Variants in CHD1L observed in about 807,000 individuals in gnomAD.
CHD1L encodes ATP-dependent chromatin remodeler CHD1L.
Under a neutral mutation model 115.9 loss-of-function variants are expected in CHD1L, and 118 were observed. The ratio of observed to expected loss-of-function variants is 1.02; its 90% confidence interval spans 0.88 to 1.19. CHD1L has a LOEUF of 1.19. Among genes scored for constraint, CHD1L ranks in the 50% most tolerant of loss-of-function variants. CHD1L has a pLI of 0.00. For missense variants in CHD1L, 1,179 were observed against 1,065.3 expected (o/e 1.11, Z -1.49); for synonymous variants, 411 against 387.1 (o/e 1.06, Z -0.72).
the CHD1L span, chr1:147,179,346 C>T: frequency 5.0e-6 from 8 of 1,602,312 alleles, no homozygotes; most frequent in Admixed American, 3.3e-5. Flanking sequence ...ACTGTAAGAA[C>T]CTGGAGCCCA....
chr1:147,206,990 G>GT, the CHD1L span, among the ~76,000 whole-genome samples: 1 of 151,600 alleles, frequency 6.6e-6, no homozygotes. Flanking sequence ...AAATGTAATG[G>GT]TGTGATTGAT....
At chr1:147,190,814 G>C in the CHD1L span, among the ~76,000 whole-genome samples, 5,601 of 151,852 alleles carry the variant, frequency 0.037, 154 homozygotes, top group South Asian at 0.095. Flanking sequence ...GGTATATCTC[G>C]TAATGCTATC....
chr1:147,251,752 A>G (rs587729064), intron 1 of CHD1L, among the ~76,000 whole-genome samples: 2 of 152,054 alleles, frequency 1.3e-5, no homozygotes, highest in South Asian at 4.2e-4. Flanking sequence ...GCTGGTCTTG[A>G]TCTTCTGACC....
intron 6 of CHD1L, among the ~76,000 whole-genome samples, chr1:147,263,712 C>G (rs1553945838): frequency 1.3e-5 from 2 of 151,894 alleles, no homozygotes; most frequent in African/African-American, 2.4e-5. Flanking sequence ...CTTCATGTCT[C>G]TCTTACTCTT....
chr1:147,287,832 T>C (rs1052935104), intron 19 of CHD1L, 99 bp downstream of exon 19: 35 of 959,628 alleles, frequency 3.6e-5, no homozygotes, highest in Non-Finnish European at 5.3e-5. Flanking sequence ...GATAAGGAAT[T>C]AGAATAACCA....
Position 147,255,794 on chromosome 1 carries a change from CTTCTT to C in CHD1L, c.348-13_348-9del. 6.4e-7 allele frequency: 1 copy of C among 1,558,710 alleles called. No individual in the cohort carries two copies. Among genetic ancestry groups the C allele is most frequent in the East Asian group, 2.3e-5 (1 of 44,352 alleles). ...TGGATCTAGTATTTATGTTTATCTA[CTTCTT>C]TTCTTGGATTCAGATTTGCTCCAGG... On this transcript the variant is annotated splice_polypyrimidine_tract_variant and intron_variant, in intron 3 of 22. Coordinates refer to ENST00000369258, the MANE Select transcript of CHD1L (RefSeq NM_004284.6).
the CHD1L span, among the ~76,000 whole-genome samples, chr1:147,220,984 G>C: frequency 6.8e-6 from 1 of 147,366 alleles, no homozygotes; most frequent in African/African-American, 2.5e-5. Flanking sequence ...TGGATAGTAT[G>C]TACCCTTGAT....
In CHD1L at chr1:147,256,536, C is replaced by G. The variant is rs1670214624; in HGVS notation, c.468C>G (p.Cys156Trp). The change falls in exon 5 of 23, where the codon TGC becomes TGG. Residue 156 changes from cysteine to tryptophan, a missense_variant. Coordinates refer to ENST00000369258, the MANE Select transcript of CHD1L (RefSeq NM_004284.6). ...FHVLLTTYEICLKDASFLKSF... is the reference protein window; with the variant it reads ...FHVLLTTYEIWLKDASFLKSF... ...GTGTCTTCCTAATTTTTCAGATTTG[C>G]TTGAAAGATGCATCATTTCTAAAAT... The G allele has an allele frequency of 6.2e-7, 1 of 1,613,406 alleles. No individual in the cohort carries two copies. The highest frequency in any genetic ancestry group is 8.5e-7 in the Non-Finnish European group (1 of 1,179,458).
the CHD1L span, chr1:147,205,017 T>C: frequency 4.0e-6 from 3 of 757,320 alleles, no homozygotes; most frequent in African/African-American, 1.7e-5. Flanking sequence ...AACCTGGAGA[T>C]ACATTCAGTC....
At chr1:147,288,855 A>G (rs1464678043) in intron 19 of CHD1L, among the ~76,000 whole-genome samples, 1 of 152,166 alleles carries the variant, frequency 6.6e-6, no homozygotes, top group Non-Finnish European at 1.5e-5. Context: ...AGCCTGAACA[A>G]TATTGTCCTT....
chr1:147,178,319 C>T, the CHD1L span: 1 of 1,612,542 alleles, frequency 6.2e-7, no homozygotes, highest in South Asian at 1.1e-5. Context: ...GAGTATGAAG[C>T]TGCAGCTACC....
At chr1:147,176,402 A>C in the CHD1L span, 1 of 152,206 alleles carries the variant, frequency 6.6e-6, no homozygotes, top group Non-Finnish European at 1.5e-5. Flanking sequence ...TATGAGGGTA[A>C]GCAGAACAGA....
intron 20 of CHD1L, among the ~76,000 whole-genome samples, chr1:147,292,248 T>C (rs10793662): frequency 0.04 from 6,082 of 152,344 alleles, 134 homozygotes; most frequent in African/African-American, 0.057. Context: ...CATTTCTTAC[T>C]ATGTGAAAAT....
chr1:147,177,725 A>T, the CHD1L span, among the ~76,000 whole-genome samples: 2 of 152,220 alleles, frequency 1.3e-5, no homozygotes, highest in Non-Finnish European at 2.9e-5. Flanking sequence ...TACTCTTCAG[A>T]ACTATCAAGG....
At chr1:147,294,599 C>A in intron 22 of CHD1L, 82 bp downstream of exon 22, 3 of 1,086,770 alleles carry the variant, frequency 2.8e-6, no homozygotes, top group South Asian at 1.6e-5. Context: ...GTTCTTAATC[C>A]AAGACCAAGT....
the CHD1L span, among the ~76,000 whole-genome samples, chr1:147,193,732 A>G: frequency 6.6e-6 from 1 of 152,276 alleles, no homozygotes; most frequent in South Asian, 2.1e-4. Context: ...GTTTCAAAGA[A>G]CATCTTTATT....
chr1:147,224,830 A>G, the CHD1L span: 1 of 1,522,258 alleles, frequency 6.6e-7, no homozygotes, highest in South Asian at 1.1e-5. Context: ...TGTTAAGATA[A>G]ACTGTCGTAT....
At chr1:147,284,110 G>C (rs1456343215) in intron 15 of CHD1L, among the ~76,000 whole-genome samples, 2 of 152,170 alleles carry the variant, frequency 1.3e-5, no homozygotes, top group African/African-American at 2.4e-5. Flanking sequence ...ACCATCTAGG[G>C]ATGAACCAAA....
At chr1:147,209,190 CG>C in the CHD1L span, 6 of 578,260 alleles carry the variant, frequency 1.0e-5, no homozygotes, top group Admixed American at 2.9e-5. Flanking sequence ...GAGGCCAAGG[CG>C]GGCGGATCAC....
Sources: allele counts gnomAD v4.1 joint callset (sites outside exome capture counted in the v4.1 genomes callset), GRCh38; gene constraint gnomAD v4.1.1; transcripts MANE v1.5; gene names NCBI Gene and HGNC (gene_info 2026-07-23, HGNC 2026-07-21).